IQSEC1: variants seen among roughly 807,000 people sequenced by gnomAD.
IQSEC1 encodes the protein IQ motif and Sec7 domain ArfGEF 1, also known as IQ motif and SEC7 domain-containing protein 1.
In IQSEC1, 31 loss-of-function variants were observed where a neutral mutation model predicts 91.0. The ratio of observed to expected loss-of-function variants is 0.34; its 90% CI spans 0.26 to 0.46. The LOEUF is 0.46. Among genes scored for constraint, IQSEC1 ranks in the 20% least tolerant of loss-of-function variants. The probability of loss-of-function intolerance (pLI) is 1.00; values close to 1 mark genes in which losing one functional copy is unlikely to be tolerated. For missense variants in IQSEC1, 1,388 were observed against 1,575.6 expected (o/e 0.88, Z 2.02); for synonymous variants, 699 against 662.6 (o/e 1.05, Z -0.84).
intron 1 of IQSEC1, among the ~76,000 whole-genome samples, chr3:13,242,765 T>G (rs998907500): frequency 6.6e-6 from 1 of 152,122 alleles, no homozygotes; most frequent in Non-Finnish European, 1.5e-5. Context: ...GTGAAGCCCC[T>G]TCAGGCTTCA....
chr3:13,272,536 C>G (rs1695606676), intron 1 of IQSEC1, among the ~76,000 whole-genome samples: 1 of 152,218 alleles, frequency 6.6e-6, no homozygotes, highest in African/African-American at 2.4e-5. Context: ...GAGACTGGCT[C>G]ACAGTAGGTG....
In IQSEC1 at chr3:12,901,057, G is replaced by A; in HGVS notation, c.3271C>T (p.His1091Tyr). 1 of 1,541,952 alleles carries A rather than the reference G, an allele frequency of 6.5e-7. No homozygotes were observed. The highest frequency in any genetic ancestry group is 8.7e-7 in the Non-Finnish European group (1 of 1,146,020). Residue 1091 changes from histidine (H) to tyrosine (Y), a missense_variant, in exon 14 of 14, where the codon CAT (histidine) becomes TAT (tyrosine). Transcript: ENST00000613206. ...GGCGGCGGGGCAGGGGGCTGCCCAT[G>A]GTGGTGCACTGTGTGCCCCACGTGG... is the stretch of plus-strand genomic sequence containing the variant. ...SAHVGHTVHHHGQPPAPPPPT... is the reference protein window; with the variant it reads ...SAHVGHTVHHYGQPPAPPPPT...
Position 12,927,619 on chromosome 3 carries a change from C to T in IQSEC1, c.1569-2877G>A, listed in dbSNP as rs78724107. 4.6e-3 allele frequency among the ~76,000 whole-genome samples: 705 copies of T among 152,376 alleles called. 9 individuals carry two copies. Among genetic ancestry groups the T allele is most frequent in the African/African-American group, 0.016 (678 of 41,588 alleles). ...GGACTTCCAGGACAAGGCTCCTCGG[C>T]CCTGGAGGTGCTCAGAGCACAGAGG... On this transcript the variant is annotated intron_variant, in intron 3 of 13. Coordinates refer to ENST00000613206, the MANE Select transcript of IQSEC1 (RefSeq NM_001134382.3).
At chr3:13,232,778 G>A (rs1373753986) in intron 1 of IQSEC1, among the ~76,000 whole-genome samples, 1 of 152,160 alleles carries the variant, frequency 6.6e-6, no homozygotes, top group African/African-American at 2.4e-5. Flanking sequence ...AACACAATGT[G>A]GTCTATACAC....
intron 2 of IQSEC1, among the ~76,000 whole-genome samples, chr3:13,093,853 G>T (rs1705911077): frequency 6.6e-6 from 1 of 152,196 alleles, no homozygotes; most frequent in African/African-American, 2.4e-5. Context: ...TAGGTCCAGG[G>T]ATGTGCACGT....
chr3:13,218,553 C>T (rs1319377723), intron 1 of IQSEC1, among the ~76,000 whole-genome samples: 2 of 152,214 alleles, frequency 1.3e-5, no homozygotes, highest in African/African-American at 4.8e-5. Flanking sequence ...ACACAAGATG[C>T]TTTTCACAAC....
At chr3:13,233,835 T>C (rs999223817) in intron 1 of IQSEC1, among the ~76,000 whole-genome samples, 1 of 152,186 alleles carries the variant, frequency 6.6e-6, no homozygotes, top group Non-Finnish European at 1.5e-5. Flanking sequence ...ACATGTGGTA[T>C]GGCCTTGGGC....
chr3:12,901,003 C>T lies in IQSEC1; in HGVS notation c.3325G>A (p.Gly1109Ser), dbSNP rs746398130. ...PPTSSKAKPS[G>S]ISTIV Reference sequence around the variant, plus strand: ...GCTGTCTACACAATTGTGCTGATGCCGCTGGGTTTGGCCTTGCTGCTGGTG... The same window carrying T: ...GCTGTCTACACAATTGTGCTGATGCTGCTGGGTTTGGCCTTGCTGCTGGTG... Residue 1109 changes from glycine to serine, a missense_variant, in exon 14 of 14, where the codon GGC becomes AGC. Physicochemically the swap from Gly to Ser is moderately conservative, Grantham distance 56. This residue lies in a region of IQSEC1 where 329 missense variants were observed against 257.8 expected (regional missense o/e 1.28). Transcript: ENST00000613206. 1.2e-4 allele frequency: 191 copies of T among 1,543,590 alleles called. No homozygotes were observed. The highest frequency in any genetic ancestry group is 6.1e-4 in the South Asian group (51 of 83,968).
At chr3:13,052,368 C>T (rs1453592497) in intron 1 of IQSEC1, among the ~76,000 whole-genome samples, 1 of 152,236 alleles carries the variant, frequency 6.6e-6, no homozygotes, top group Non-Finnish European at 1.5e-5. Flanking sequence ...CACTCTTCGG[C>T]GTGGAGGGTC....
Position 13,154,464 on chromosome 3 carries a change from T to C in IQSEC1, c.302+9640A>G, listed in dbSNP as rs1375570193. 3.3e-5 allele frequency among the ~76,000 whole-genome samples: 4 copies of C among 120,472 alleles called. 1 individual carries two copies. The highest frequency in any genetic ancestry group is 5.0e-4 in the East Asian group (2 of 3,968). 79.0% of individuals were successfully genotyped at this position (120,472 alleles called of 152,430 possible). On this transcript the variant is annotated intron_variant, in intron 2 of 15. Transcript: ENST00000648114. Reference sequence around the variant, plus strand: ...ATATATATATATATATATATATATATATATATATATATGCAAAAACTGATA... The same window carrying C: ...ATATATATATATATATATATATATACATATATATATATGCAAAAACTGATA...
At chr3:13,154,139 T>C (rs192763784) in intron 2 of IQSEC1, among the ~76,000 whole-genome samples, 1 of 151,890 alleles carries the variant, frequency 6.6e-6, no homozygotes, top group African/African-American at 2.4e-5. Context: ...ACTCCCACCC[T>C]GTCCCCAGCC....
intron 1 of IQSEC1, among the ~76,000 whole-genome samples, chr3:13,016,928 C>A (rs572282357): frequency 2.0e-5 from 3 of 152,332 alleles, no homozygotes; most frequent in South Asian, 4.1e-4. Flanking sequence ...TACCTCCCGT[C>A]TCTATAGATT....
chr3:13,140,680 C>T (rs996496713), intron 2 of IQSEC1, among the ~76,000 whole-genome samples: 2 of 152,186 alleles, frequency 1.3e-5, no homozygotes, highest in African/African-American at 2.4e-5. Flanking sequence ...ACCATGCGCG[C>T]CCCAGCACAG....
chr3:13,064,421 A>G (rs1014655189), intron 1 of IQSEC1, among the ~76,000 whole-genome samples: 3 of 151,630 alleles, frequency 2.0e-5, no homozygotes, highest in African/African-American at 7.3e-5. Context: ...AATTACAGAG[A>G]AAAAAAAAGA....
At chr3:13,025,642 C>T (rs988046474) in intron 1 of IQSEC1, among the ~76,000 whole-genome samples, 1 of 152,144 alleles carries the variant, frequency 6.6e-6, no homozygotes, top group Non-Finnish European at 1.5e-5. Context: ...GCCTTGAGAC[C>T]CTCTAATTTC....
chr3:13,251,814 G>A (rs1695197989), intron 1 of IQSEC1, among the ~76,000 whole-genome samples: 1 of 152,204 alleles, frequency 6.6e-6, no homozygotes, highest in African/African-American at 2.4e-5. Context: ...GGAGGATTGA[G>A]TGACAAGCAC....
chr3:12,916,596 CG>C (rs1471000009), intron 6 of IQSEC1, among the ~76,000 whole-genome samples: 2 of 152,186 alleles, frequency 1.3e-5, no homozygotes, highest in Non-Finnish European at 2.9e-5. Flanking sequence ...TGCTCCAACC[CG>C]GGGTAGGCAA....
intron 1 of IQSEC1, among the ~76,000 whole-genome samples, chr3:12,951,558 CCA>C (rs966512944): frequency 6.6e-6 from 1 of 152,206 alleles, no homozygotes; most frequent in Admixed American, 6.5e-5. Flanking sequence ...TCAGCCATAC[CCA>C]CTTCTCTAGT....
chr3:12,997,973 T>G (rs1354759574), intron 1 of IQSEC1, among the ~76,000 whole-genome samples: 1 of 152,236 alleles, frequency 6.6e-6, no homozygotes, highest in East Asian at 1.9e-4. Flanking sequence ...TTCCTTAAAG[T>G]CCACCAGTGA....
Sources: gnomAD v4.1 joint callset for allele counts (sites outside exome capture counted in the v4.1 genomes callset) on GRCh38, gnomAD v4.1.1 for gene constraint, gnomAD v4.1.1 regional missense constraint, MANE v1.5 for transcripts, NCBI Gene and HGNC (gene_info 2026-07-23, HGNC 2026-07-21) for gene names.